The following CDK1 variants were observed in gnomAD, a reference collection of about 807,000 sequenced individuals.
The protein encoded by CDK1 is cyclin-dependent kinase 1.
Under a neutral mutation model 34.6 loss-of-function variants are expected in CDK1, and 5 were observed. The observed-to-expected ratio is 0.14, with a 90% CI of 0.08 to 0.30. The LOEUF is 0.30. Ranked by LOEUF, CDK1 falls within the 10% of genes least tolerant of loss-of-function variation. CDK1 has a pLI of 1.00. For synonymous variants in CDK1, 108 were observed against 114.7 expected (o/e 0.94, Z 0.37); for missense variants, 157 against 345.7 (o/e 0.45, Z 4.33).
Position 60,780,151 on chromosome 10 carries a change from A to T in CDK1, c.-15A>T. 1 of 1,506,574 alleles carries T rather than the reference A, an allele frequency of 6.6e-7. No homozygotes were observed. Among genetic ancestry groups the T allele is most frequent in the Non-Finnish European group, 9.2e-7 (1 of 1,082,706 alleles). 93.3% of individuals were successfully genotyped at this position (1,506,574 alleles called of 1,614,324 possible). A position where few individuals can be genotyped will look rare whatever the true frequency, so the allele number is the denominator to read the frequency against. On this transcript the variant is annotated 5_prime_UTR_variant, in exon 2 of 8. Transcript: ENST00000395284. ...TTTCCTTCACTTTAGGATCTACCAT[A>T]CCCATTGACTAACTATGGAAGATTA...
chr10:60,781,455 C>T (rs2080271958), intron 2 of CDK1, among the ~76,000 whole-genome samples: 1 of 152,156 alleles, frequency 6.6e-6, no homozygotes, highest in Non-Finnish European at 1.5e-5. Flanking sequence ...GTTTCTGCCT[C>T]TGCAAATGGT....
intron 7 of CDK1, 66 bp from the exon 8 acceptor site, chr10:60,793,811 T>A: frequency 1.2e-6 from 1 of 832,100 alleles, no homozygotes; most frequent in Non-Finnish European, 1.9e-6. Flanking sequence ...GTTGAGGTTT[T>A]ATGGAGATTT....
chr10:60,793,004 G>A (rs1053228434), intron 7 of CDK1, among the ~76,000 whole-genome samples: 2 of 152,042 alleles, frequency 1.3e-5, no homozygotes, highest in Non-Finnish European at 2.9e-5. Flanking sequence ...AACCAAAAGT[G>A]TCTCCAGATA....
At chr10:60,787,903 T>C (rs925962466) in intron 4 of CDK1, 157 bp from the exon 5 acceptor site, 1 of 433,422 alleles carries the variant, frequency 2.3e-6, no homozygotes, top group African/African-American at 2.0e-5. Context: ...TGTATATAAA[T>C]GGGCTTCCCA....
At chr10:60,786,027 TG>T in intron 4 of CDK1, 2 of 1,108,482 alleles carry the variant, frequency 1.8e-6, no homozygotes, top group Middle Eastern at 3.9e-4. Context: ...TAGGTATTGT[TG>T]GAAGCTAGGG....
At chr10:60,787,400 TTTG>T (rs1283554956) in intron 4 of CDK1, among the ~76,000 whole-genome samples, 2 of 152,028 alleles carry the variant, frequency 1.3e-5, no homozygotes, top group African/African-American at 4.8e-5. Flanking sequence ...GATCATCCGT[TTTG>T]TTTTGTTTTT....
At chr10:60,792,546 A>T (rs1287765013) in intron 7 of CDK1, among the ~76,000 whole-genome samples, 11 of 150,560 alleles carry the variant, frequency 7.3e-5, no homozygotes, top group African/African-American at 2.4e-4. Context: ...ATTAATACAC[A>T]TTTTTTTTTT....
intron 1 of CDK1, 113 bp from the exon 2 acceptor site, chr10:60,780,028 T>A (rs1564663478): frequency 3.0e-6 from 2 of 661,620 alleles, no homozygotes; most frequent in Non-Finnish European, 2.7e-6. Flanking sequence ...ATTTATGGAA[T>A]ACTTATGCTG....
chr10:60,792,417 A>G (rs900307125), intron 7 of CDK1, 128 bp downstream of exon 7: 5 of 717,782 alleles, frequency 7.0e-6, no homozygotes, highest in Admixed American at 3.1e-5. Context: ...TGTACATTGT[A>G]TTATACTAGC....
chr10:60,785,530 C>A, intron 3 of CDK1, 134 bp from the exon 4 acceptor site: 1 of 585,956 alleles, frequency 1.7e-6, no homozygotes. Flanking sequence ...TTTTGAGTCT[C>A]TTCCATTAGG....
chr10:60,778,669 G>C (rs1024442275), intron 1 of CDK1, 99 bp downstream of exon 1: 6 of 153,194 alleles, frequency 3.9e-5, no homozygotes, highest in Non-Finnish European at 7.3e-5. Flanking sequence ...CGGACTGGAG[G>C]TCAGGGATCT....
In CDK1 at chr10:60,786,063, A is replaced by G. The variant is rs3213049; in HGVS notation, c.318+276A>G. 79 of 1,053,544 alleles carry G rather than the reference A, an allele frequency of 7.5e-5. No individual in the cohort carries two copies. The African/African-American group carries it at 1.3e-3, about 17-fold the overall frequency. 65.3% of individuals were successfully genotyped at this position (1,053,544 alleles called of 1,614,324 possible). On this transcript the variant is annotated intron_variant, in intron 4 of 7. Coordinates refer to ENST00000395284, the MANE Select transcript of CDK1 (RefSeq NM_001786.5). ...GTAGTCTGGTCTTTCTTTGGCTGTC[A>G]GATACATGTAAAACAAAGTAATGAA...
At chr10:60,786,239 C>T in intron 4 of CDK1, 3 of 963,136 alleles carry the variant, frequency 3.1e-6, no homozygotes, top group South Asian at 4.8e-5. Flanking sequence ...TATTCTTGCA[C>T]CAGTTCTACC....
chr10:60,788,702 T>G (rs2080335282), intron 5 of CDK1, among the ~76,000 whole-genome samples: 2 of 152,090 alleles, frequency 1.3e-5, no homozygotes, highest in African/African-American at 4.8e-5. Flanking sequence ...CATTTAGGAA[T>G]TGCTAACTAT....
rs532492332 is a variant in CDK1 at position 60,785,316 on chromosome 10, G to T, written c.195-348G>T. On this transcript the variant is annotated intron_variant, in intron 3 of 7. Transcript: ENST00000395284. The stretch of plus-strand genomic sequence containing the variant: ...TTAAAATCTAATTGTACTTGGCTGG[G>T]GCTAGAGATTGGAAGTAGCTTTTAA... 3.2e-4 allele frequency among the ~76,000 whole-genome samples: 48 copies of T among 152,196 alleles called. No homozygotes were observed. The South Asian group carries it at 5.8e-3, about 18-fold the overall frequency.
intron 1 of CDK1, 49 bp from the exon 2 acceptor site, chr10:60,780,092 C>G: frequency 2.3e-6 from 2 of 869,114 alleles, no homozygotes; most frequent in African/African-American, 1.7e-5. Flanking sequence ...ATGCTTAAAA[C>G]TACTCGAGTT....
At chr10:60,790,830 T>C (rs3213071) in intron 5 of CDK1, among the ~76,000 whole-genome samples, 41,588 of 152,082 alleles carry the variant, frequency 0.27, 5,993 homozygotes, top group Middle Eastern at 0.33. Flanking sequence ...AAAAATGAGT[T>C]GACTGTAAAT....
chr10:60,785,695 T>C lies in CDK1; in HGVS notation c.226T>C (p.Leu76=). The change falls in exon 4 of 8, where the codon TTA becomes CTA. Residue 76 remains leucine, a synonymous_variant. Transcript: ENST00000395284. ...GGATGTGCTTATGCAGGATTCCAGGTTATATCTCATCTTTGAGTTTCTTTC... is the reference window on the plus strand; with the variant it reads ...GGATGTGCTTATGCAGGATTCCAGGCTATATCTCATCTTTGAGTTTCTTTC... ...LQDVLMQDSR[L]YLIFEFLSMD... 6.2e-7 allele frequency: 1 copy of C among 1,610,348 alleles called. No homozygotes were observed. The highest frequency in any genetic ancestry group is 8.5e-7 in the Non-Finnish European group (1 of 1,177,292).
rs773799903 is a variant in CDK1 at position 60,779,357 on chromosome 10, C to T, written c.-25-784C>T. Among the ~76,000 whole-genome samples, 5 of 151,974 alleles carry T rather than the reference C, an allele frequency of 3.3e-5. No individual in the cohort carries two copies. The East Asian group carries it at 9.6e-4, about 29-fold the overall frequency. ...GTTCTGACGTTTCATTGGCAAACTT[C>T]AGAGGAAGTCTTGAACTTCTGGTTG... On this transcript the variant is annotated intron_variant, in intron 1 of 7. Transcript: ENST00000395284.
Sources: gnomAD v4.1 joint callset for allele counts (sites outside exome capture counted in the v4.1 genomes callset) on GRCh38, gnomAD v4.1.1 for gene constraint, MANE v1.5 for transcripts, NCBI Gene and HGNC (gene_info 2026-07-23, HGNC 2026-07-21) for gene names.